Variants in DEPDC1 observed in about 807,000 individuals in gnomAD.
DEPDC1 encodes DEP domain containing 1, also known as DEP domain-containing protein 1A.
A neutral mutation model predicts 86.8 loss-of-function variants in DEPDC1; 66 were observed. That is an observed-to-expected ratio of 0.76 (90% CI 0.62 to 0.93). The LOEUF is 0.93. DEPDC1 is among the 40% of genes least tolerant of loss of function. The probability of loss-of-function intolerance (pLI) is 0.00; values close to 1 mark genes in which losing one functional copy is unlikely to be tolerated. For synonymous variants in DEPDC1, 255 were observed against 314.9 expected (o/e 0.81, Z 2.02); for missense variants, 792 against 935.7 (o/e 0.85, Z 2.00).
chr1:68,489,385 T>C (rs765305981), intron 3 of DEPDC1, 67 bp downstream of exon 3: 46 of 1,123,032 alleles, frequency 4.1e-5, no homozygotes, highest in Non-Finnish European at 5.1e-5. Context: ...AATTTACTTT[T>C]AATGATTCTA....
chr1:68,483,212 C>A, intron 7 of DEPDC1: 1 of 539,356 alleles, frequency 1.9e-6, no homozygotes, highest in Non-Finnish European at 3.5e-6. Context: ...CTAGAAACCT[C>A]ATAAATATAA....
At chr1:68,477,761 G>A in intron 11 of DEPDC1, 26 bp downstream of exon 11, 1 of 1,374,750 alleles carries the variant, frequency 7.3e-7, no homozygotes, top group Non-Finnish European at 9.7e-7. Context: ...ATGTTTACAT[G>A]ATTGAGAACT....
rs969974941 is a variant in DEPDC1, at chr1:68,475,174, T to C, written c.*1758A>G. On this transcript the variant is annotated 3_prime_UTR_variant, in exon 12 of 12. Transcript: ENST00000456315. Reference sequence around the variant, plus strand: ...GTTTACTAGCTAGTTAATAGCACAGTAGGATTCAAACCTGACTGGCAGAGT... The same window carrying C: ...GTTTACTAGCTAGTTAATAGCACAGCAGGATTCAAACCTGACTGGCAGAGT... 6.8e-6 allele frequency: 1 copy of C among 146,986 alleles called. No individual in the cohort carries two copies. Among genetic ancestry groups the C allele is most frequent in the Non-Finnish European group, 1.5e-5 (1 of 66,298 alleles). 9.1% of individuals were successfully genotyped at this position (146,986 alleles called of 1,614,324 possible). A position where few individuals can be genotyped will look rare whatever the true frequency, so the allele number is the denominator to read the frequency against.
At chr1:68,489,403 G>T in intron 3 of DEPDC1, 49 bp downstream of exon 3, 1 of 1,251,788 alleles carries the variant, frequency 8.0e-7, no homozygotes, top group Non-Finnish European at 1.1e-6. Flanking sequence ...CTATCATTGA[G>T]TACATCATAA....
At chr1:68,492,562 C>G (rs1469945371) in intron 2 of DEPDC1, among the ~76,000 whole-genome samples, 1 of 151,984 alleles carries the variant, frequency 6.6e-6, no homozygotes, top group East Asian at 1.9e-4. Flanking sequence ...CAAAAATTAG[C>G]TGGGCGTGGT....
At chr1:68,493,897 C>A (rs1646245928) in intron 2 of DEPDC1, among the ~76,000 whole-genome samples, 1 of 152,018 alleles carries the variant, frequency 6.6e-6, no homozygotes, top group South Asian at 2.1e-4. Flanking sequence ...CGGGGTTTCA[C>A]CATGTTAGCC....
chr1:68,478,443 T>A (rs1401448896), intron 10 of DEPDC1, among the ~76,000 whole-genome samples: 1 of 104,122 alleles, frequency 9.6e-6, no homozygotes, highest in Non-Finnish European at 2.1e-5. Context: ...TTAGTTTTCA[T>A]GTATTTTTTT....
At chr1:68,481,668 C>G (rs1646156888) in intron 8 of DEPDC1, 56 bp from the exon 9 acceptor site, 1 of 1,398,386 alleles carries the variant, frequency 7.2e-7, no homozygotes. Context: ...TGCTTTCATA[C>G]TACCAGTATA....
At position 68,496,985 on chromosome 1, in the gene DEPDC1, AC is replaced by A. The variant is rs1292058418; in HGVS notation, c.14del (p.Gly5ValfsTer26). The A allele has an allele frequency of 5.6e-6, 9 of 1,613,214 alleles. No homozygotes were observed. Among genetic ancestry groups the A allele is most frequent in the Non-Finnish European group, 5.9e-6 (7 of 1,179,542 alleles). ...TGGCCCGATAAGGCCCGGGAGGCAC[AC>A]CCTGACTCTCCATAGGTCTGTCAGC... MESQ[G>X]VPPGPYRATK... On this transcript the variant is annotated frameshift_variant, in exon 1 of 12. Transcript: ENST00000456315. LOFTEE classifies it high-confidence loss of function. This position sits in a 1 kb window ranked among gnomAD's most constrained non-coding sequence, Gnocchi z 4.0.
intron 6 of DEPDC1, among the ~76,000 whole-genome samples, chr1:68,485,195 TAAC>T (rs1471596328): frequency 4.0e-5 from 6 of 150,370 alleles, no homozygotes; most frequent in Non-Finnish European, 7.4e-5. Context: ...CACACACTCT[TAAC>T]AACAGAGCAA....
intron 2 of DEPDC1, among the ~76,000 whole-genome samples, chr1:68,490,880 T>C (rs912778822): frequency 3.3e-5 from 5 of 152,054 alleles, no homozygotes; most frequent in Non-Finnish European, 5.9e-5. Context: ...AATAAGGCCA[T>C]GCACCTACAA....
chr1:68,490,993 T>C (rs1330159572), intron 2 of DEPDC1, among the ~76,000 whole-genome samples: 1 of 152,152 alleles, frequency 6.6e-6, no homozygotes, highest in African/African-American at 2.4e-5. Context: ...TGCCGAAGAT[T>C]GAAATGGGAC....
intron 3 of DEPDC1, 22 bp from the exon 4 acceptor site, chr1:68,489,056 T>G (rs772015428): frequency 1.3e-6 from 2 of 1,487,244 alleles, no homozygotes; most frequent in Admixed American, 3.4e-5. Context: ...ATTATTTTGG[T>G]TTAATCTGTT....
chr1:68,486,919 CACATATATT>C lies in DEPDC1; in HGVS notation c.769+9_769+17del. 6.5e-7 allele frequency: 1 copy of C among 1,544,258 alleles called. No individual in the cohort carries two copies. The highest frequency in any genetic ancestry group is 8.8e-7 in the Non-Finnish European group (1 of 1,138,210). On this transcript the variant is annotated intron_variant, in intron 6 of 11. Coordinates refer to ENST00000456315, the MANE Select transcript of DEPDC1 (RefSeq NM_001114120.3). ...ACACACACACACACACACACACACACACATATATTTAACTTACAATTTGCTAGGCACTTC... is the reference window on the plus strand; with the variant it reads ...ACACACACACACACACACACACACACTAACTTACAATTTGCTAGGCACTTC...
chr1:68,480,281 C>CACACAA (rs1252174296), intron 9 of DEPDC1, among the ~76,000 whole-genome samples: 43 of 151,670 alleles, frequency 2.8e-4, no homozygotes, highest in Middle Eastern at 3.4e-3. Context: ...CACACACACA[C>CACACAA]ACCCCTCATT....
chr1:68,493,452 G>A (rs1218619131), intron 2 of DEPDC1, among the ~76,000 whole-genome samples: 1 of 152,104 alleles, frequency 6.6e-6, no homozygotes, highest in African/African-American at 2.4e-5. Flanking sequence ...GGCTATAAAG[G>A]AGCTGAGATT....
chr1:68,489,658 T>C lies in DEPDC1; in HGVS notation c.315-50A>G, dbSNP rs769195585. The C allele has an allele frequency of 1.1e-5, 15 of 1,393,218 alleles. No homozygotes were observed. The South Asian group carries it at 2.2e-4, about 21-fold the overall frequency. The allele number at this position is 1,393,218 out of a possible 1,614,324, so 86.3% of individuals were successfully genotyped here. On this transcript the variant is annotated intron_variant, in intron 2 of 11. Coordinates refer to ENST00000456315, the MANE Select transcript of DEPDC1 (RefSeq NM_001114120.3). Reference sequence around the variant, plus strand: ...AAATAATGTGAGATTAGAAACAAACTTTTAGAGCCTATTTTTTTTTTAAAA... The same window carrying C: ...AAATAATGTGAGATTAGAAACAAACCTTTAGAGCCTATTTTTTTTTTAAAA...
chr1:68,484,042 C>T lies in DEPDC1; in HGVS notation c.818G>A (p.Arg273Gln), dbSNP rs929802526. ...MNNPTYVGFERDVFRTIADYF... is the reference protein window; with the variant it reads ...MNNPTYVGFEQDVFRTIADYF... ...ATCTGCGATTGTTCTGAATACATCT[C>T]GTTCAAATCCAACATAAGTTGGATT... The change falls in exon 7 of 12, where the codon CGA (arginine) becomes CAA (glutamine). Residue 273 changes from arginine (R) to glutamine (Q), a missense_variant. By Grantham distance (43) the Arg-to-Gln change is conservative. Coordinates refer to ENST00000456315, the MANE Select transcript of DEPDC1 (RefSeq NM_001114120.3). The T allele has an allele frequency of 8.2e-6, 13 of 1,583,860 alleles. No homozygotes were observed. Among genetic ancestry groups the T allele is most frequent in the Middle Eastern group, 2.1e-4 (1 of 4,774 alleles).
rs138057289 is a variant in DEPDC1 at position 68,481,356 on chromosome 1, A to G, written c.1935+84T>C. ...TCTAGCACTTTAAGACTAAGACATC[A>G]CTTGAGTAGTACTTTTACGTAGTTT... On this transcript the variant is annotated intron_variant, in intron 9 of 11. Coordinates refer to ENST00000456315, the MANE Select transcript of DEPDC1 (RefSeq NM_001114120.3). 2.9e-4 allele frequency: 356 copies of G among 1,217,154 alleles called. 3 individuals are homozygous for G. In the African/African-American group the frequency reaches 4.7e-3, roughly 16 times the overall value. 75.4% of individuals were successfully genotyped at this position (1,217,154 alleles called of 1,614,324 possible).
Sources: gnomAD v4.1 joint callset for allele counts (sites outside exome capture counted in the v4.1 genomes callset) on GRCh38, gnomAD v4.1.1 for gene constraint, Gnocchi (gnomAD v3.1) non-coding constraint, MANE v1.5 for transcripts, NCBI Gene and HGNC (gene_info 2026-07-23, HGNC 2026-07-21) for gene names.